CSMD2: variants seen among roughly 807,000 people sequenced by gnomAD.
CSMD2 encodes the protein CUB and sushi domain-containing protein 2.
A neutral mutation model predicts 398.5 loss-of-function variants in CSMD2; 130 were observed. That is an observed-to-expected ratio of 0.33 (90% CI 0.28 to 0.38). CSMD2 has a LOEUF of 0.38. Among genes scored for constraint, CSMD2 ranks in the 10% least tolerant of loss-of-function variants. The pLI, the probability that CSMD2 is intolerant of heterozygous loss-of-function variation, is 1.00. For missense variants in CSMD2, 3,829 were observed against 4,764.9 expected, an observed-to-expected ratio of 0.80 and a Z score of 5.78; for synonymous variants, 1,828 against 1,908.5, an observed-to-expected ratio of 0.96 and a Z score of 1.10.
At chr1:33,637,237 G>A (rs1401761718) in intron 29 of CSMD2, among the ~76,000 whole-genome samples, 2 of 152,166 alleles carry the variant, frequency 1.3e-5, no homozygotes, top group Non-Finnish European at 2.9e-5. Flanking sequence ...TCTGGGTTGG[G>A]TTACCCGACC....
intron 42 of CSMD2, among the ~76,000 whole-genome samples, chr1:33,604,803 A>G (rs1640473730): frequency 9.6e-6 from 1 of 104,652 alleles, no homozygotes; most frequent in Non-Finnish European, 2.2e-5. Flanking sequence ...AGGTCTCTCC[A>G]GCCCTGTGTA....
At chr1:33,990,442 C>A (rs1487276853) in intron 3 of CSMD2, among the ~76,000 whole-genome samples, 1 of 152,084 alleles carries the variant, frequency 6.6e-6, no homozygotes, top group Non-Finnish European at 1.5e-5. Flanking sequence ...AGGATTCACC[C>A]CATTTAAGGT....
intron 2 of CSMD2, among the ~76,000 whole-genome samples, chr1:34,049,735 G>A (rs1652962592): frequency 6.6e-6 from 1 of 152,180 alleles, no homozygotes. Context: ...ATTGCGCCTT[G>A]TCATACTCTG....
chr1:34,001,599 T>C (rs1558229827), intron 3 of CSMD2, among the ~76,000 whole-genome samples: 1 of 152,198 alleles, frequency 6.6e-6, no homozygotes, highest in Non-Finnish European at 1.5e-5. Context: ...ACAACACCCA[T>C]GAACCTTTCT....
intron 14 of CSMD2, 89 bp from the exon 15 acceptor site, chr1:33,739,423 C>T (rs1264729605): frequency 8.0e-7 from 1 of 1,245,296 alleles, no homozygotes; most frequent in African/African-American, 1.5e-5. Flanking sequence ...GGATGGGAAA[C>T]CCTAGAACTC....
intron 2 of CSMD2, among the ~76,000 whole-genome samples, chr1:34,048,179 CTGGCAG>C (rs938845995): frequency 1.1e-3 from 165 of 152,356 alleles, no homozygotes; most frequent in African/African-American, 3.7e-3. Flanking sequence ...CCAATGCCTT[CTGGCAG>C]TGGCTATGCA....
intron 3 of CSMD2, among the ~76,000 whole-genome samples, chr1:33,977,205 C>G (rs1290632194): frequency 6.6e-6 from 1 of 152,008 alleles, no homozygotes; most frequent in Non-Finnish European, 1.5e-5. Context: ...GAACTCCCAG[C>G]CTGGCAGCAG....
intron 44 of CSMD2, 47 bp downstream of exon 44, chr1:33,600,818 G>A: frequency 6.2e-7 from 1 of 1,602,858 alleles, no homozygotes. Flanking sequence ...GCTCAGCCTT[G>A]ACTTGAAAGC....
intron 25 of CSMD2, among the ~76,000 whole-genome samples, chr1:33,670,814 C>T (rs926399860): frequency 1.3e-5 from 2 of 152,230 alleles, no homozygotes; most frequent in Non-Finnish European, 2.9e-5. Context: ...TCCACCCCTG[C>T]ATGTGGTACA....
chr1:33,660,353 T>C (rs1297356147), intron 26 of CSMD2, among the ~76,000 whole-genome samples: 1 of 152,174 alleles, frequency 6.6e-6, no homozygotes, highest in African/African-American at 2.4e-5. Flanking sequence ...ACTTTCTCTC[T>C]TTAATGCTCC....
chr1:34,146,487 C>T (rs1380499817), intron 1 of CSMD2, among the ~76,000 whole-genome samples: 2 of 152,196 alleles, frequency 1.3e-5, no homozygotes, highest in Non-Finnish European at 2.9e-5. Context: ...CTGACTGAAG[C>T]AGGAACCACC....
rs975697337 is a variant in CSMD2, at chr1:33,655,401, T to C, written c.4447+2545A>G. ...GCCAGGCACAGTTCTTATTGCTTTA[T>C]AGTATTTTCTTTTTTAATCCTCAAA... On this transcript the variant is annotated intron_variant, in intron 27 of 70. Coordinates refer to ENST00000373381, the MANE Select transcript of CSMD2 (RefSeq NM_001281956.2). Among the ~76,000 whole-genome samples, 7 of 152,240 alleles carry C rather than the reference T, an allele frequency of 4.6e-5. No homozygotes were observed. In the South Asian group the frequency reaches 6.2e-4, roughly 13 times the overall value.
rs764863407 is a variant in CSMD2 at position 33,663,087 on chromosome 1, T to C, written c.4058A>G (p.His1353Arg). Residue 1353 changes from histidine (H) to arginine (R), a missense_variant, in exon 26 of 71, where the codon CAC (histidine) becomes CGC (arginine). Physicochemically the swap from His to Arg is conservative, Grantham distance 29. Coordinates refer to ENST00000373381, the MANE Select transcript of CSMD2 (RefSeq NM_001281956.2). ...CTCCTCTGTGTCAAACACCAGGAAG[T>C]GTAGCCTGCACGGAGAGAAGAGGCA... ...EAEAGCTIGL[H>R]FLVFDTEEVH... 1.2e-6 allele frequency: 2 copies of C among 1,613,866 alleles called. No homozygotes were observed. Among genetic ancestry groups the C allele is most frequent in the East Asian group, 2.2e-5 (1 of 44,868 alleles).
intron 59 of CSMD2, 98 bp downstream of exon 59, chr1:33,541,032 C>G (rs1372822165): frequency 1.6e-6 from 2 of 1,245,554 alleles, no homozygotes; most frequent in Middle Eastern, 2.8e-4. Context: ...TTAGGGCTGG[C>G]CTTTCACCCC....
intron 5 of CSMD2, among the ~76,000 whole-genome samples, chr1:33,898,132 C>A (rs143930623): frequency 6.6e-6 from 1 of 152,276 alleles, no homozygotes; most frequent in Non-Finnish European, 1.5e-5. Flanking sequence ...GCATTTCCTG[C>A]CAGCTCATGG....
At chr1:33,770,824 G>A (rs1446042783) in intron 13 of CSMD2, among the ~76,000 whole-genome samples, 2 of 152,212 alleles carry the variant, frequency 1.3e-5, no homozygotes, top group Non-Finnish European at 2.9e-5. Context: ...TTTGCAAGCA[G>A]TGCCCAGCTC....
intron 3 of CSMD2, among the ~76,000 whole-genome samples, chr1:33,979,305 C>G (rs988140933): frequency 3.3e-5 from 5 of 152,150 alleles, no homozygotes; most frequent in African/African-American, 1.2e-4. Context: ...GGGTGGTTGT[C>G]AGTGCAGAGA....
intron 2 of CSMD2, among the ~76,000 whole-genome samples, chr1:34,064,252 A>C (rs998330392): frequency 6.6e-6 from 1 of 152,190 alleles, no homozygotes; most frequent in East Asian, 1.9e-4. Flanking sequence ...TCCTCAAAAA[A>C]TGGGTTTTTC....
chr1:33,821,160 G>C (rs1271988028), intron 7 of CSMD2, among the ~76,000 whole-genome samples: 1 of 152,128 alleles, frequency 6.6e-6, no homozygotes, highest in Non-Finnish European at 1.5e-5. Context: ...CCCCTACCCA[G>C]TGCCACCCAT....
Sources: gnomAD v4.1 joint callset for allele counts (sites outside exome capture counted in the v4.1 genomes callset) on GRCh38, gnomAD v4.1.1 for gene constraint, MANE v1.5 for transcripts, NCBI Gene and HGNC (gene_info 2026-07-23, HGNC 2026-07-21) for gene names.